BOK: variants seen among roughly 807,000 people sequenced by gnomAD.
BOK encodes the protein bcl-2-related ovarian killer protein.
A neutral mutation model predicts 18.3 loss-of-function variants in BOK; 20 were observed. The ratio of observed to expected loss-of-function variants is 1.09; its 90% CI spans 0.77 to 1.59. The LOEUF (loss-of-function observed/expected upper bound fraction) is 1.59, where lower values mean the gene tolerates loss of function less well. Among genes scored for constraint, BOK ranks in the 40% most tolerant of loss-of-function variants. The pLI is 0.00. For synonymous variants in BOK, 173 were observed against 142.4 expected, an observed-to-expected ratio of 1.21 and a Z score of -1.53; for missense variants, 348 against 307.9, an observed-to-expected ratio of 1.13 and a Z score of -0.97.
chr2:241,553,787 C>T (rs1373742646), upstream of BOK, among the ~76,000 whole-genome samples: 2 of 152,160 alleles, frequency 1.3e-5, no homozygotes, highest in Non-Finnish European at 2.9e-5. Context: ...GCTGTATCAC[C>T]CACACAACTC....
rs1478369212 is a variant in BOK at position 241,560,255 on chromosome 2, C to T, written c.220+552C>T. On this transcript the variant is annotated intron_variant, in intron 2 of 4. Coordinates refer to ENST00000318407, the MANE Select transcript of BOK (RefSeq NM_032515.5). Reference sequence around the variant, plus strand: ...CACACGGTCCACTGGCTGCCCCCACCGTCTCCAAGGTCTGGACCCAAGAGG... The same window carrying T: ...CACACGGTCCACTGGCTGCCCCCACTGTCTCCAAGGTCTGGACCCAAGAGG... 2.2e-5 allele frequency: 22 copies of T among 985,338 alleles called. No homozygotes were observed. In the Admixed American group the frequency reaches 1.0e-3, roughly 47 times the overall value. The allele number at this position is 985,338 out of a possible 1,614,324, so 61.0% of individuals were successfully genotyped here. A position where few individuals can be genotyped will look rare whatever the true frequency, so the allele number is the denominator to read the frequency against.
At position 241,572,732 on chromosome 2, in the gene BOK, A is replaced by T; in HGVS notation, c.*310A>T. ...GTCAGGGTCAACTCCCAGGCCTCAG[A>T]TGCAGGGGCCCAGAACACCTGCTCT... On this transcript the variant is annotated 3_prime_UTR_variant, in exon 5 of 5. Transcript: ENST00000318407. The T allele has an allele frequency of 2.5e-6, 1 of 406,334 alleles. No homozygotes were observed. The allele number at this position is 406,334 out of a possible 1,614,324, so 25.2% of individuals were successfully genotyped here.
At chr2:241,552,020 G>A (rs906024027) in intron 1 of BOK, among the ~76,000 whole-genome samples, 7 of 152,236 alleles carry the variant, frequency 4.6e-5, no homozygotes, top group African/African-American at 7.2e-5. Flanking sequence ...TTCGAGGAGC[G>A]GGAGAGGAGG....
chr2:241,570,177 C>T lies in BOK; in HGVS notation c.402C>T (p.Ala134=), dbSNP rs371228276. 4.7e-5 allele frequency: 75 copies of T among 1,610,578 alleles called. No homozygotes were observed. In the East Asian group the frequency reaches 5.1e-4, roughly 11 times the overall value. The change falls in exon 4 of 5, where the codon GCC becomes GCT. Residue 134 remains alanine (A), a synonymous_variant. Transcript: ENST00000318407. ...VSLYAVAAGL[A]VDCVRQAQPA... ...TGTATGCGGTGGCCGCGGGGCTGGC[C>T]GTGGACTGTGTGAGGCAGGCCCAGC...
At chr2:241,563,374 C>T (rs1261811413) in intron 3 of BOK, among the ~76,000 whole-genome samples, 1 of 152,216 alleles carries the variant, frequency 6.6e-6, no homozygotes, top group African/African-American at 2.4e-5. Context: ...GTCCTGGCAC[C>T]CCGTGCTATG....
At chr2:241,571,492 G>A (rs943977101) in intron 4 of BOK, among the ~76,000 whole-genome samples, 8 of 152,284 alleles carry the variant, frequency 5.3e-5, no homozygotes, top group South Asian at 4.1e-4. Flanking sequence ...CGTGGTCTGC[G>A]GGGGCTGTGG....
intron 3 of BOK, among the ~76,000 whole-genome samples, chr2:241,569,654 C>T (rs9288728): frequency 0.53 from 80,376 of 152,000 alleles, 22,066 homozygotes; most frequent in African/African-American, 0.69. Context: ...TTCTTTCCCC[C>T]GCTGTCACCA....
At chr2:241,567,928 C>T (rs1421433801) in intron 3 of BOK, among the ~76,000 whole-genome samples, 1 of 152,008 alleles carries the variant, frequency 6.6e-6, no homozygotes, top group East Asian at 1.9e-4. Flanking sequence ...TGCCCGTGGC[C>T]GCCACCGCCA....
chr2:241,553,566 A>C (rs2066429299), intron 1 of BOK, among the ~76,000 whole-genome samples: 1 of 152,208 alleles, frequency 6.6e-6, no homozygotes, highest in Non-Finnish European at 1.5e-5. Flanking sequence ...GAGGGCGAAG[A>C]GGAAAGAGAC....
Position 241,572,475 on chromosome 2 carries a change from G to A in BOK, c.*53G>A. 1 of 1,564,524 alleles carries A rather than the reference G, an allele frequency of 6.4e-7. No individual in the cohort carries two copies. Among genetic ancestry groups the A allele is most frequent in the Admixed American group, 1.8e-5 (1 of 55,236 alleles). On this transcript the variant is annotated 3_prime_UTR_variant, in exon 5 of 5. Transcript: ENST00000318407. ...TGGCCCTCTGGGCCCAACGCAGGAGGCCCTCAGCACCCGAACACATCTTCC... is the reference window on the plus strand; with the variant it reads ...TGGCCCTCTGGGCCCAACGCAGGAGACCCTCAGCACCCGAACACATCTTCC...
intron 3 of BOK, 144 bp from the exon 4 acceptor site, chr2:241,569,981 C>A: frequency 9.6e-7 from 1 of 1,041,656 alleles, no homozygotes; most frequent in Non-Finnish European, 1.4e-6. Context: ...GGCATCCTGT[C>A]AGGGAGCGGT....
chr2:241,562,259 G>T lies in BOK; in HGVS notation c.221-89G>T. 6.8e-7 allele frequency: 1 copy of T among 1,461,270 alleles called. No individual in the cohort carries two copies. The allele number at this position is 1,461,270 out of a possible 1,614,324, so 90.5% of individuals were successfully genotyped here. A position where few individuals can be genotyped will look rare whatever the true frequency, so the allele number is the denominator to read the frequency against. On this transcript the variant is annotated intron_variant, in intron 2 of 4. Transcript: ENST00000318407. This position sits in a 1 kb window ranked among gnomAD's most constrained non-coding sequence, Gnocchi z 4.5. ...GCTGGAATTCAAGCATGGTCAGGTG[G>T]GGGTCAGGTGCAGGGTGTGCCCCAA...
upstream of BOK, among the ~76,000 whole-genome samples, chr2:241,558,102 T>A (rs76603784): frequency 3.6e-3 from 399 of 110,840 alleles, no homozygotes; most frequent in Middle Eastern, 0.011. Context: ...TATGTTGAGA[T>A]GTTGGGGACT....
intron 2 of BOK, 83 bp downstream of exon 2, chr2:241,559,786 C>T (rs941627855): frequency 8.8e-6 from 11 of 1,255,232 alleles, no homozygotes; most frequent in Non-Finnish European, 1.1e-5. Context: ...GATGGGGGTC[C>T]GGCCCAGGGG....
intron 2 of BOK, among the ~76,000 whole-genome samples, chr2:241,561,809 C>T (rs1438825539): frequency 2.6e-5 from 4 of 152,250 alleles, no homozygotes; most frequent in Admixed American, 2.6e-4. Flanking sequence ...GCCTCTGCAT[C>T]TGAGTGGTCC....
chr2:241,554,164 C>T (rs1168699266), upstream of BOK, among the ~76,000 whole-genome samples: 2 of 152,204 alleles, frequency 1.3e-5, no homozygotes, highest in South Asian at 2.1e-4. Context: ...AGGAGGACAA[C>T]CAGGATGCTC....
In BOK at chr2:241,562,564, C is replaced by T; in HGVS notation, c.349+88C>T. The T allele has an allele frequency of 1.4e-6, 2 of 1,477,816 alleles. No individual in the cohort carries two copies. Among genetic ancestry groups the T allele is most frequent in the South Asian group, 1.4e-5 (1 of 73,672 alleles). 91.5% of individuals were successfully genotyped at this position (1,477,816 alleles called of 1,614,324 possible). On this transcript the variant is annotated intron_variant, in intron 3 of 4. Coordinates refer to ENST00000318407, the MANE Select transcript of BOK (RefSeq NM_032515.5). The surrounding 1 kb of genome is among the most constrained non-coding windows in gnomAD (Gnocchi z 4.5). ...TCACAGGGACCCCACGAGCTGGCCC[C>T]CACCCATCCTGGCGCTGCCCAGTGC...
At chr2:241,565,513 C>T (rs2066596652) in intron 3 of BOK, among the ~76,000 whole-genome samples, 1 of 152,200 alleles carries the variant, frequency 6.6e-6, no homozygotes, top group South Asian at 2.1e-4. Context: ...GTGCTTTACA[C>T]ATCCTTGCCT....
In BOK at chr2:241,572,438, G is replaced by A; in HGVS notation, c.*16G>A. On this transcript the variant is annotated 3_prime_UTR_variant, in exon 5 of 5. Transcript: ENST00000318407. ...AGAGAGATGAGCTGCCCACCTGGCA[G>A]TGGCCGCAGCCTGGCCCTCTGGGCC... 3 of 1,591,718 alleles carry A rather than the reference G, an allele frequency of 1.9e-6. No homozygotes were observed. Among genetic ancestry groups the A allele is most frequent in the Non-Finnish European group, 2.6e-6 (3 of 1,176,240 alleles).
Sources: allele counts gnomAD v4.1 joint callset (sites outside exome capture counted in the v4.1 genomes callset), GRCh38; gene constraint gnomAD v4.1.1; non-coding constraint Gnocchi (gnomAD v3.1); transcripts MANE v1.5; gene names NCBI Gene and HGNC (gene_info 2026-07-23, HGNC 2026-07-21).